The following BRF1 variants were observed in gnomAD, a reference collection of about 807,000 sequenced individuals.
The protein encoded by BRF1 is BRF1 general transcription factor IIIB subunit.
Under a neutral mutation model 81.7 loss-of-function variants are expected in BRF1, and 59 were observed. That is an observed-to-expected ratio of 0.72 (90% CI 0.59 to 0.90). BRF1 has a LOEUF of 0.90. BRF1 is among the 40% of genes least tolerant of loss of function. The probability of loss-of-function intolerance (pLI) is 0.00; values close to 1 mark genes in which losing one functional copy is unlikely to be tolerated. For synonymous variants in BRF1, 491 were observed against 395.6 expected (o/e 1.24, Z -2.86); for missense variants, 1,050 against 936.3 (o/e 1.12, Z -1.58).
intron 5 of BRF1, chr14:105,250,879 G>T: frequency 1.7e-6 from 1 of 604,108 alleles, no homozygotes. Context: ...TGGGGTGCAC[G>T]TCTCAGGTGG....
intron 15 of BRF1, among the ~76,000 whole-genome samples, chr14:105,215,886 T>A (rs1321542176): frequency 3.8e-5 from 2 of 52,286 alleles, no homozygotes; most frequent in Non-Finnish European, 7.4e-5. Flanking sequence ...GCTGCAGGCA[T>A]ACAGACACAG....
intron 2 of BRF1, among the ~76,000 whole-genome samples, chr14:105,278,118 C>T (rs587593580): frequency 1.3e-5 from 2 of 152,248 alleles, no homozygotes; most frequent in Non-Finnish European, 1.5e-5. Context: ...CCATAGCCTG[C>T]GAGTCTCCTT....
chr14:105,225,754 T>C (rs1042979320), intron 10 of BRF1, among the ~76,000 whole-genome samples: 10 of 152,116 alleles, frequency 6.6e-5, no homozygotes, highest in Non-Finnish European at 1.0e-4. Context: ...TTCAAATGAT[T>C]ATCCTGCCTC....
chr14:105,255,895 G>A (rs1644684413), intron 4 of BRF1, among the ~76,000 whole-genome samples: 1 of 152,184 alleles, frequency 6.6e-6, no homozygotes, highest in Non-Finnish European at 1.5e-5. Flanking sequence ...GGGAGGCCTT[G>A]GTGGGAGGGT....
chr14:105,304,206 T>C (rs587690816), upstream of BRF1, among the ~76,000 whole-genome samples: 94 of 151,802 alleles, frequency 6.2e-4, no homozygotes, highest in African/African-American at 2.2e-3. Flanking sequence ...AAGGGTGTGG[T>C]TTCAGCCAGG....
At chr14:105,215,711 C>A (rs1263216636) in intron 15 of BRF1, among the ~76,000 whole-genome samples, 1 of 119,756 alleles carries the variant, frequency 8.4e-6, no homozygotes, top group East Asian at 2.1e-4. Context: ...TGCACACAGG[C>A]ACACACACAC....
chr14:105,281,409 A>G (rs2057095939), intron 2 of BRF1, among the ~76,000 whole-genome samples: 1 of 125,346 alleles, frequency 8.0e-6, no homozygotes, highest in African/African-American at 3.2e-5. Context: ...CGTGATCCTG[A>G]GCCCAGGTGT....
chr14:105,275,888 C>T (rs587752170), intron 2 of BRF1, among the ~76,000 whole-genome samples: 13 of 152,390 alleles, frequency 8.5e-5, no homozygotes, highest in African/African-American at 3.1e-4. Context: ...CCCAGCTCTT[C>T]TACCACGTGA....
intron 10 of BRF1, among the ~76,000 whole-genome samples, chr14:105,224,881 T>G (rs1254885866): frequency 6.6e-6 from 1 of 152,192 alleles, no homozygotes; most frequent in Non-Finnish European, 1.5e-5. Context: ...TCTGAATGTG[T>G]TCCAATACAA....
rs1017886342 is a variant in BRF1, at chr14:105,309,381, G to A, written c.-162+5941C>T. On this transcript the variant is annotated intron_variant, in intron 1 of 17. Coordinates refer to the BRF1 transcript ENST00000327359. This position sits in a 1 kb window ranked among gnomAD's most constrained non-coding sequence, Gnocchi z 4.0. ...AGAATTTCCCCATGTTGCTAAAACT[G>A]AGGCAGCGTTCCGTTTTGCTGGTTA... is the stretch of plus-strand genomic sequence containing the variant. Among the ~76,000 whole-genome samples the A allele has an allele frequency of 6.6e-6, 1 of 152,200 alleles. No individual in the cohort carries two copies. Among genetic ancestry groups the A allele is most frequent in the Non-Finnish European group, 1.5e-5 (1 of 68,042 alleles).
chr14:105,282,826 G>A (rs879306343), intron 2 of BRF1, among the ~76,000 whole-genome samples: 16 of 152,112 alleles, frequency 1.1e-4, no homozygotes, highest in Non-Finnish European at 2.1e-4. Flanking sequence ...CCAGCTACTC[G>A]GGAGGCTGAG....
intron 1 of BRF1, among the ~76,000 whole-genome samples, chr14:105,289,282 G>A (rs1400663394): frequency 1.3e-5 from 2 of 152,136 alleles, no homozygotes; most frequent in Non-Finnish European, 2.9e-5. Flanking sequence ...GGTGGAGGCT[G>A]CAGTGAGCTG....
chr14:105,274,888 C>A (rs1181786972), intron 2 of BRF1, among the ~76,000 whole-genome samples: 2 of 152,182 alleles, frequency 1.3e-5, no homozygotes, highest in Non-Finnish European at 2.9e-5. Flanking sequence ...GGCAATTAGC[C>A]CCATGGGGTA....
chr14:105,229,517 C>G (rs2816645), intron 6 of BRF1, among the ~76,000 whole-genome samples: 15 of 151,978 alleles, frequency 9.9e-5, no homozygotes, highest in Non-Finnish European at 1.6e-4. Flanking sequence ...AATTCCGGAG[C>G]TGGGGTAGTT....
In BRF1 at chr14:105,310,713, C is replaced by T. The variant is rs1040176289; in HGVS notation, c.-162+4609G>A. Among the ~76,000 whole-genome samples, 86 of 152,126 alleles carry T rather than the reference C, an allele frequency of 5.7e-4. 1 individual carries two copies. The highest frequency in any genetic ancestry group is 5.5e-3 in the Admixed American group (84 of 15,268). Reference sequence around the variant, plus strand: ...GCTCTCCAGCCAGCGGCAGCTCACCCTGCTGTGGTTTGATTTTCCCTACAC... The same window carrying T: ...GCTCTCCAGCCAGCGGCAGCTCACCTTGCTGTGGTTTGATTTTCCCTACAC... On this transcript the variant is annotated intron_variant, in intron 1 of 17. Coordinates refer to the BRF1 transcript ENST00000327359.
At position 105,271,168 on chromosome 14, in the gene BRF1, G is replaced by T. The variant is rs1319049988; in HGVS notation, c.439+1553C>A. On this transcript the variant is annotated intron_variant, in intron 3 of 17. Transcript: ENST00000547530. This position sits in a 1 kb window ranked among gnomAD's most constrained non-coding sequence, Gnocchi z 5.5. ...AAAAAGATAGCCACGTGCAAAAAAG[G>T]ATGAGATAACACATGGGTTCAGTGT... 6.6e-6 allele frequency among the ~76,000 whole-genome samples: 1 copy of T among 152,236 alleles called. No individual in the cohort carries two copies. The highest frequency in any genetic ancestry group is 2.4e-5 in the African/African-American group (1 of 41,474).
Position 105,269,059 on chromosome 14 carries a change from G to A in BRF1, c.439+3662C>T, listed in dbSNP as rs769828827. On this transcript the variant is annotated intron_variant, in intron 3 of 17. Transcript: ENST00000547530. The surrounding 1 kb of genome is among the most constrained non-coding windows in gnomAD (Gnocchi z 5.0). ...ATGCAGGTCAGCAGGGAGGGAGAAG[G>A]CACAGGGGCAGGAGAAAACAAGGAG... Among the ~76,000 whole-genome samples the A allele has an allele frequency of 3.3e-5, 5 of 152,190 alleles. No homozygotes were observed. The highest frequency in any genetic ancestry group is 6.5e-5 in the Admixed American group (1 of 15,284).
intron 15 of BRF1, among the ~76,000 whole-genome samples, chr14:105,214,496 CCT>C (rs1890722174): frequency 2.0e-5 from 1 of 49,722 alleles, no homozygotes; most frequent in African/African-American, 1.7e-4. Context: ...TGCCCACACC[CCT>C]GCATGGCTCA....
rs1337171655 is a variant in BRF1, at chr14:105,315,092, G to A, written c.-162+230C>T. 9.6e-7 allele frequency: 1 copy of A among 1,041,188 alleles called. No homozygotes were observed. Among genetic ancestry groups the A allele is most frequent in the Non-Finnish European group, 1.2e-6 (1 of 859,418 alleles). The allele number at this position is 1,041,188 out of a possible 1,614,324, so 64.5% of individuals were successfully genotyped here. ...GCCGGGCACCTGCTGGGGGTGTCCT[G>A]GCCGCGGCCTCTGCGCGCCCCATCC... On this transcript the variant is annotated intron_variant, in intron 1 of 17. Transcript: ENST00000327359. The surrounding 1 kb of genome is among the most constrained non-coding windows in gnomAD (Gnocchi z 4.4).
Sources: allele counts gnomAD v4.1 joint callset (sites outside exome capture counted in the v4.1 genomes callset), GRCh38; gene constraint gnomAD v4.1.1; non-coding constraint Gnocchi (gnomAD v3.1); transcripts MANE v1.5; gene names NCBI Gene and HGNC (gene_info 2026-07-23, HGNC 2026-07-21).